Variants in NCOR2 observed in about 807,000 individuals in gnomAD.
NCOR2 encodes nuclear receptor corepressor 2.
A neutral mutation model predicts 262.9 loss-of-function variants in NCOR2; 81 were observed. The ratio of observed to expected loss-of-function variants is 0.31; its 90% CI spans 0.26 to 0.37. The LOEUF is 0.37. Among genes scored for constraint, NCOR2 ranks in the 10% least tolerant of loss-of-function variants. The pLI is 1.00. For missense variants in NCOR2, 3,385 were observed against 3,621.4 expected (o/e 0.93, Z 1.68); for synonymous variants, 1,659 against 1,559.3 (o/e 1.06, Z -1.51).
intron 2 of NCOR2, among the ~76,000 whole-genome samples, chr12:124,484,511 C>T (rs1042217883): frequency 2.0e-5 from 3 of 152,220 alleles, no homozygotes; most frequent in Non-Finnish European, 4.4e-5. Context: ...ATGGGCCTTG[C>T]TGAAATGCTT....
chr12:124,435,875 A>G (rs192811584), intron 8 of NCOR2, among the ~76,000 whole-genome samples: 2 of 152,302 alleles, frequency 1.3e-5, no homozygotes, highest in Admixed American at 1.3e-4. Flanking sequence ...GACCTAGGGC[A>G]AGTTACTTAA....
intron 13 of NCOR2, among the ~76,000 whole-genome samples, chr12:124,407,726 A>T (rs1472174121): frequency 6.6e-6 from 1 of 152,200 alleles, no homozygotes; most frequent in African/African-American, 2.4e-5. Context: ...GAACTTCCCA[A>T]AACCCAGCAA....
At chr12:124,410,098 C>G (rs2042487561) in intron 13 of NCOR2, among the ~76,000 whole-genome samples, 1 of 151,198 alleles carries the variant, frequency 6.6e-6, no homozygotes, top group African/African-American at 2.4e-5. Flanking sequence ...GGGCCCCTCC[C>G]TCAGTGCCTC....
intron 1 of NCOR2, among the ~76,000 whole-genome samples, chr12:124,507,074 T>C (rs576156273): frequency 6.6e-6 from 1 of 152,232 alleles, no homozygotes; most frequent in East Asian, 1.9e-4. Flanking sequence ...CCTGACATTA[T>C]GCTGAGTGAC....
At chr12:124,418,110 C>T (rs938908138) in intron 13 of NCOR2, among the ~76,000 whole-genome samples, 1 of 151,710 alleles carries the variant, frequency 6.6e-6, no homozygotes, top group Non-Finnish European at 1.5e-5. Flanking sequence ...AACATAGCTA[C>T]GTCTTTGGAA....
intron 7 of NCOR2, 42 bp downstream of exon 9, chr12:124,449,773 C>G (rs751929705): frequency 6.2e-7 from 1 of 1,609,594 alleles, no homozygotes; most frequent in Non-Finnish European, 8.5e-7. Flanking sequence ...TGCTCGCCCA[C>G]CCTGCCTCTG....
intron 1 of NCOR2, among the ~76,000 whole-genome samples, chr12:124,501,479 C>T (rs1046249974): frequency 3.9e-5 from 6 of 151,920 alleles, no homozygotes; most frequent in East Asian, 1.9e-4. Flanking sequence ...CAGGGCCCCA[C>T]GGCCTCTGGG....
At chr12:124,346,954 C>T (rs1054201379) in intron 30 of NCOR2, 104 bp from the exon 33 acceptor site, 19 of 1,320,760 alleles carry the variant, frequency 1.4e-5, no homozygotes, top group Admixed American at 6.9e-5. Context: ...GTTCAAATCC[C>T]CACTTGCTGT....
At chr12:124,350,150 G>C (rs1019943048) in intron 28 of NCOR2, among the ~76,000 whole-genome samples, 3 of 152,148 alleles carry the variant, frequency 2.0e-5, no homozygotes, top group Non-Finnish European at 4.4e-5. Flanking sequence ...GGGTCTCCTC[G>C]TTCTGGAACC....
chr12:124,339,121 A>G (rs1442352848), intron 37 of NCOR2, among the ~76,000 whole-genome samples: 1 of 40,052 alleles, frequency 2.5e-5, no homozygotes, highest in East Asian at 1.2e-3. Context: ...TACCTACTTA[A>G]CCCAACCACC....
At position 124,392,221 on chromosome 12, in the gene NCOR2, A is replaced by C. The variant is rs567009562; in HGVS notation, c.1876+5898T>G. 2.0e-4 allele frequency among the ~76,000 whole-genome samples: 31 copies of C among 152,136 alleles called. 1 individual carries two copies. Among genetic ancestry groups the C allele is most frequent in the Admixed American group, 1.6e-3 (24 of 15,292 alleles). On this transcript the variant is annotated intron_variant, in intron 16 of 46. Coordinates refer to ENST00000405201, the Ensembl canonical transcript of NCOR2. The stretch of plus-strand genomic sequence containing the variant: ...GGGAAGGGGGGCTTGTTGATGCCTG[A>C]TTTCATCTTCAAGGGTGCTGACAGG...
intron 18 of NCOR2, among the ~76,000 whole-genome samples, chr12:124,376,761 C>G (rs1037596316): frequency 1.9e-4 from 29 of 152,210 alleles, no homozygotes; most frequent in African/African-American, 7.0e-4. Flanking sequence ...TGACTTGCAC[C>G]TTCTGCCAGG....
rs3825115 is a variant in NCOR2, at chr12:124,416,522, C to T, written c.1482+3435G>A. Among the ~76,000 whole-genome samples, 759 of 151,966 alleles carry T rather than the reference C, an allele frequency of 5.0e-3. 19 individuals are homozygous for T. The East Asian group carries it at 0.071, about 14-fold the overall frequency. ...CAATGCCACCTCCCAGGGAGACCGG[C>T]GGCACAGGGAGACCCCGCGGCACAG... On this transcript the variant is annotated intron_variant, in intron 13 of 46. Coordinates refer to ENST00000405201, the Ensembl canonical transcript of NCOR2.
intron 1 of NCOR2, among the ~76,000 whole-genome samples, chr12:124,522,385 G>A (rs776450895): frequency 2.8e-4 from 42 of 152,266 alleles, no homozygotes; most frequent in South Asian, 1.5e-3. Context: ...CAAGCTCAAG[G>A]TGTCACCAGG....
intron 2 of NCOR2, among the ~76,000 whole-genome samples, chr12:124,484,415 G>T (rs1229325934): frequency 1.3e-5 from 2 of 152,196 alleles, no homozygotes; most frequent in Non-Finnish European, 2.9e-5. Flanking sequence ...GCATGGCCTT[G>T]CCTAACTAAG....
rs1197881964 is a variant in NCOR2, at chr12:124,440,016, C to A, written c.816-2020G>T. ...GACCGTCCTCTTCTCTTCCCAGGCC[C>A]CTCCCCACGGTCTCCAACACACAAA... On this transcript the variant is annotated intron_variant, in intron 7 of 46. Coordinates refer to ENST00000405201, the Ensembl canonical transcript of NCOR2. The surrounding 1 kb of genome is among the most constrained non-coding windows in gnomAD (Gnocchi z 5.7). Among the ~76,000 whole-genome samples the A allele has an allele frequency of 6.6e-6, 1 of 151,930 alleles. No individual in the cohort carries two copies. Among genetic ancestry groups the A allele is most frequent in the Admixed American group, 6.5e-5 (1 of 15,280 alleles).
chr12:124,341,826 G>A lies in NCOR2; in HGVS notation c.5185C>T (p.Arg1729Ter). The A allele has an allele frequency of 6.3e-7, 1 of 1,598,542 alleles. No individual in the cohort carries two copies. Among genetic ancestry groups the A allele is most frequent in the Non-Finnish European group, 8.5e-7 (1 of 1,174,582 alleles). Residue 1729 changes from arginine (R) to a stop codon, truncating the protein, a stop_gained, in exon 34 of 47, where the codon CGA (arginine) becomes TGA (stop). Transcript: ENST00000405201. LOFTEE classifies it high-confidence loss of function. The stretch of plus-strand genomic sequence containing the variant: ...GGTGGTCTGCCCACCCACTCACCTC[G>A]GGGACCCGCAGCGTAGTTGAGTGCC...
At chr12:124,410,246 T>G (rs2042500222) in intron 13 of NCOR2, among the ~76,000 whole-genome samples, 2 of 148,122 alleles carry the variant, frequency 1.4e-5, no homozygotes, top group African/African-American at 5.0e-5. Flanking sequence ...CACCTCCTTC[T>G]GCCTCTCTGA....
At chr12:124,388,634 C>T in intron 16 of NCOR2, 1 of 1,301,896 alleles carries the variant, frequency 7.7e-7, no homozygotes, top group East Asian at 5.6e-5. Flanking sequence ...GTTGCGGTCC[C>T]TGTCCCTGCA....
Sources: allele counts gnomAD v4.1 joint callset (sites outside exome capture counted in the v4.1 genomes callset), GRCh38; gene constraint gnomAD v4.1.1; non-coding constraint Gnocchi (gnomAD v3.1); transcripts MANE v1.5; gene names NCBI Gene and HGNC (gene_info 2026-07-23, HGNC 2026-07-21).